OR51B5: variants seen among roughly 807,000 people sequenced by gnomAD.
The protein encoded by OR51B5 is olfactory receptor 51B5.
For synonymous variants in OR51B5, 186 were observed against 144.8 expected, an observed-to-expected ratio of 1.28 and a Z score of -2.04; for missense variants, 456 against 374.6, an observed-to-expected ratio of 1.22 and a Z score of -1.79.
chr11:5,489,229 C>T lies in OR51B5; in HGVS notation n.84+16340G>A, dbSNP rs367634248. 10 of 1,613,994 alleles carry T rather than the reference C, an allele frequency of 6.2e-6. No individual in the cohort carries two copies. Among genetic ancestry groups the T allele is most frequent in the South Asian group, 4.4e-5 (4 of 91,076 alleles). ...GAGGCGACTCCCCTACTGTGGTCAC[C>T]GTGTCATGACACACACATACTGTGA... On this transcript the variant is annotated intron_variant and non_coding_transcript_variant, in intron 1 of 4. Transcript: ENST00000415970.
intron 1 of OR51B5, among the ~76,000 whole-genome samples, chr11:5,428,900 A>C (rs117724462): frequency 9.7e-4 from 148 of 152,338 alleles, no homozygotes; most frequent in Middle Eastern, 6.8e-3. Context: ...TTCTGCTAAA[A>C]TGTAGGTATA....
chr11:5,471,970 A>T (rs1168807934), intron 1 of OR51B5, among the ~76,000 whole-genome samples: 1 of 152,200 alleles, frequency 6.6e-6, no homozygotes, highest in Non-Finnish European at 1.5e-5. Context: ...AAAGTTCCGG[A>T]TCCCATCTCC....
At chr11:5,362,798 C>A (rs75449266) in intron 1 of OR51B5, 4,989 of 223,780 alleles carry the variant, frequency 0.022, 269 homozygotes, top group African/African-American at 0.11. Flanking sequence ...CCTCACTCTT[C>A]ATGGGCTTTG....
At chr11:5,366,669 GAGAAGA>G (rs376009034) in intron 1 of OR51B5, among the ~76,000 whole-genome samples, 81 of 149,948 alleles carry the variant, frequency 5.4e-4, no homozygotes, top group African/African-American at 1.5e-3. Flanking sequence ...AAGGAAGGAA[GAGAAGA>G]AGAAGAAGAA....
chr11:5,403,356 T>C (rs933390296), intron 1 of OR51B5: 6 of 471,484 alleles, frequency 1.3e-5, no homozygotes, highest in Non-Finnish European at 2.2e-5. Context: ...GCTTGCTTAC[T>C]ATGTGCCTAT....
rs78385953 is a variant in OR51B5, at chr11:5,404,106, T to A, written n.85-57196A>T. 2.7e-3 allele frequency among the ~76,000 whole-genome samples: 355 copies of A among 132,574 alleles called. 1 individual carries two copies. The highest frequency in any genetic ancestry group is 9.6e-3 in the African/African-American group (345 of 35,884). 87.0% of individuals were successfully genotyped at this position (132,574 alleles called of 152,430 possible). Reference sequence around the variant, plus strand: ...TATGCAAAATTCTGGGATTCTCCCATCCAGGTTGTGAGAGGTGAAGCCAGC... The same window carrying A: ...TATGCAAAATTCTGGGATTCTCCCAACCAGGTTGTGAGAGGTGAAGCCAGC... On this transcript the variant is annotated intron_variant and non_coding_transcript_variant, in intron 1 of 4. Transcript: ENST00000415970.
At chr11:5,497,883 TATG>T (rs1188615896) in intron 1 of OR51B5, among the ~76,000 whole-genome samples, 3 of 152,160 alleles carry the variant, frequency 2.0e-5, no homozygotes, top group African/African-American at 7.2e-5. Flanking sequence ...GGAGCATAGG[TATG>T]ACATCACATT....
intron 1 of OR51B5, chr11:5,423,060 C>A (rs139054378): frequency 6.2e-7 from 1 of 1,613,966 alleles, no homozygotes; most frequent in African/African-American, 1.3e-5. Flanking sequence ...CTGGCACCCC[C>A]GGTGATGAAC....
intron 1 of OR51B5, among the ~76,000 whole-genome samples, chr11:5,475,211 T>TC (rs1851285573): frequency 6.6e-6 from 1 of 152,184 alleles, no homozygotes; most frequent in East Asian, 1.9e-4. Flanking sequence ...ATTACATCAA[T>TC]ATTAAGTCAA....
At chr11:5,398,320 G>C (rs1248039895) in intron 1 of OR51B5, among the ~76,000 whole-genome samples, 2 of 152,080 alleles carry the variant, frequency 1.3e-5, no homozygotes, top group Admixed American at 6.5e-5. Flanking sequence ...GTTTCCCTTA[G>C]GTTCTCTGGA....
chr11:5,406,005 AG>A (rs1345638584), intron 1 of OR51B5, among the ~76,000 whole-genome samples: 1 of 152,230 alleles, frequency 6.6e-6, no homozygotes, highest in African/African-American at 2.4e-5. Flanking sequence ...TGAGAAGAGA[AG>A]AAACATCTGA....
chr11:5,407,045 CT>C (rs1158567969), intron 1 of OR51B5, among the ~76,000 whole-genome samples: 2 of 152,052 alleles, frequency 1.3e-5, no homozygotes, highest in Non-Finnish European at 2.9e-5. Flanking sequence ...ATTAAAAATA[CT>C]GATCTTATTA....
intron 1 of OR51B5, among the ~76,000 whole-genome samples, chr11:5,370,251 A>G (rs936998579): frequency 1.3e-5 from 2 of 152,218 alleles, no homozygotes; most frequent in African/African-American, 4.8e-5. Flanking sequence ...TGAAGGTTTG[A>G]ATGTTTAATG....
At chr11:5,413,386 C>T (rs1795315839) in intron 1 of OR51B5, among the ~76,000 whole-genome samples, 1 of 152,166 alleles carries the variant, frequency 6.6e-6, no homozygotes, top group African/African-American at 2.4e-5. Context: ...CACCTCTCCT[C>T]CTCCAAAGGA....
At chr11:5,346,483 C>A (rs563901672), upstream of OR51B5, 64 of 136,688 alleles carry the variant, frequency 4.7e-4, no homozygotes, top group African/African-American at 1.6e-3. Flanking sequence ...ATCAGATAAA[C>A]TTCTAACATT....
chr11:5,468,868 T>C, intron 1 of OR51B5: 1 of 416,674 alleles, frequency 2.4e-6, no homozygotes, highest in Admixed American at 2.5e-5. Flanking sequence ...GAATCAGGTC[T>C]GCATGCAGAC....
chr11:5,349,435 T>C (rs1022348178), intron 1 of OR51B5, among the ~76,000 whole-genome samples: 2 of 152,122 alleles, frequency 1.3e-5, no homozygotes, highest in African/African-American at 4.8e-5. Context: ...TATATGTTTA[T>C]TTAGTAGTAA....
chr11:5,484,348 C>A (rs1455041293), intron 1 of OR51B5, among the ~76,000 whole-genome samples: 1 of 152,182 alleles, frequency 6.6e-6, no homozygotes, highest in Non-Finnish European at 1.5e-5. Context: ...CTGCCTCAAT[C>A]TTTCTGGTCC....
intron 1 of OR51B5, among the ~76,000 whole-genome samples, chr11:5,401,368 T>C (rs577871116): frequency 1.3e-5 from 2 of 152,324 alleles, no homozygotes; most frequent in Admixed American, 1.3e-4. Flanking sequence ...TCCACGAACG[T>C]AGGTTCCTTC....
Sources: allele counts gnomAD v4.1 joint callset (sites outside exome capture counted in the v4.1 genomes callset), GRCh38; gene constraint gnomAD v4.1.1; transcripts MANE v1.5; gene names NCBI Gene and HGNC (gene_info 2026-07-23, HGNC 2026-07-21).